Variants in HUNK observed in about 807,000 individuals in gnomAD.
The protein encoded by HUNK is hormonally up-regulated neu tumor-associated kinase.
A neutral mutation model predicts 61.0 loss-of-function variants in HUNK; 21 were observed. The ratio of observed to expected loss-of-function variants is 0.34; its 90% confidence interval spans 0.24 to 0.50. The LOEUF is 0.50. Among genes scored for constraint, HUNK ranks in the 20% least tolerant of loss-of-function variants. The pLI is 0.98. For synonymous variants in HUNK, 371 were observed against 386.1 expected, an observed-to-expected ratio of 0.96 and a Z score of 0.46; for missense variants, 772 against 945.7, an observed-to-expected ratio of 0.82 and a Z score of 2.41.
intron 2 of HUNK, among the ~76,000 whole-genome samples, chr21:31,932,093 G>A (rs948693871): frequency 2.6e-5 from 4 of 152,010 alleles, no homozygotes; most frequent in African/African-American, 9.7e-5. Flanking sequence ...TCCCCCACGT[G>A]CATGCACATA....
intron 4 of HUNK, among the ~76,000 whole-genome samples, chr21:31,957,127 A>T (rs1425295130): frequency 6.6e-6 from 1 of 152,108 alleles, no homozygotes; most frequent in Non-Finnish European, 1.5e-5. Flanking sequence ...AAGTGGTGCA[A>T]TTCAGCATTT....
At chr21:31,880,594 A>T (rs1432095637) in intron 1 of HUNK, among the ~76,000 whole-genome samples, 1 of 152,108 alleles carries the variant, frequency 6.6e-6, no homozygotes, top group Non-Finnish European at 1.5e-5. Flanking sequence ...ATGTCTCTTT[A>T]TAAGGACACC....
chr21:31,984,660 G>C (rs1937034756), intron 8 of HUNK, among the ~76,000 whole-genome samples: 1 of 152,216 alleles, frequency 6.6e-6, no homozygotes, highest in Non-Finnish European at 1.5e-5. Context: ...TCCAGATCCA[G>C]GGAGGGGGCC....
intron 2 of HUNK, among the ~76,000 whole-genome samples, chr21:31,939,699 T>C (rs1364291320): frequency 6.6e-6 from 1 of 150,656 alleles, no homozygotes; most frequent in Non-Finnish European, 1.5e-5. Context: ...TGAGCCACCG[T>C]GCCCGGCCTC....
chr21:31,927,199 C>G (rs899769873), intron 2 of HUNK, among the ~76,000 whole-genome samples: 7 of 152,050 alleles, frequency 4.6e-5, no homozygotes, highest in African/African-American at 1.7e-4. Flanking sequence ...TGCCATCATG[C>G]CTAACTATTT....
At chr21:31,892,161 AAATAT>A (rs1425105272) in intron 1 of HUNK, among the ~76,000 whole-genome samples, 43 of 100,584 alleles carry the variant, frequency 4.3e-4, no homozygotes, top group African/African-American at 1.4e-3. Context: ...AAAAAAAAAA[AAATAT>A]ATATATATAT....
At chr21:31,986,505 C>A (rs754330914) in intron 8 of HUNK, among the ~76,000 whole-genome samples, 13 of 152,060 alleles carry the variant, frequency 8.5e-5, no homozygotes, top group Non-Finnish European at 1.8e-4. Context: ...GAGCTTTTCA[C>A]CCTCGCACCG....
chr21:31,917,953 C>A (rs140327710), intron 1 of HUNK, among the ~76,000 whole-genome samples: 1 of 152,114 alleles, frequency 6.6e-6, no homozygotes, highest in Non-Finnish European at 1.5e-5. Context: ...AAAACTCCCC[C>A]GACTCAAGTA....
intron 8 of HUNK, among the ~76,000 whole-genome samples, chr21:31,987,278 A>C (rs2053140202): frequency 6.6e-6 from 1 of 152,218 alleles, no homozygotes; most frequent in Non-Finnish European, 1.5e-5. Flanking sequence ...GGTCACCTGC[A>C]CTGAGGGTGG....
intron 1 of HUNK, among the ~76,000 whole-genome samples, chr21:31,906,825 A>C (rs2052508930): frequency 6.6e-6 from 1 of 152,096 alleles, no homozygotes. Context: ...GACAGCCAGA[A>C]CTTCCCTGTC....
chr21:31,993,693 C>T (rs2053185738), intron 9 of HUNK, among the ~76,000 whole-genome samples: 1 of 152,150 alleles, frequency 6.6e-6, no homozygotes, highest in Non-Finnish European at 1.5e-5. Context: ...AGCTTGTTCT[C>T]CTTTGCCTTG....
At chr21:31,950,878 C>G (rs1015875144) in intron 4 of HUNK, among the ~76,000 whole-genome samples, 2 of 152,108 alleles carry the variant, frequency 1.3e-5, no homozygotes, top group East Asian at 3.9e-4. Flanking sequence ...AAAGCAAACT[C>G]CCCTCCCTGG....
At chr21:31,886,054 A>G (rs1435190940) in intron 1 of HUNK, among the ~76,000 whole-genome samples, 1 of 152,114 alleles carries the variant, frequency 6.6e-6, no homozygotes, top group Non-Finnish European at 1.5e-5. Flanking sequence ...CCCTTTTGAT[A>G]AGGACACCAG....
chr21:31,884,939 G>A (rs537954968), intron 1 of HUNK, among the ~76,000 whole-genome samples: 3 of 151,996 alleles, frequency 2.0e-5, no homozygotes, highest in South Asian at 2.1e-4. Flanking sequence ...CACCACACCC[G>A]GCTAATTTTT....
chr21:31,998,577 TG>T lies in HUNK; in HGVS notation c.1540del (p.Ala514LeufsTer19). 1 of 1,609,854 alleles carries T rather than the reference TG, an allele frequency of 6.2e-7. No individual in the cohort carries two copies. Among genetic ancestry groups the T allele is most frequent in the Non-Finnish European group, 8.5e-7 (1 of 1,178,584 alleles). On this transcript the variant is annotated frameshift_variant, in exon 11 of 11. Coordinates refer to ENST00000270112, the MANE Select transcript of HUNK (RefSeq NM_014586.2). LOFTEE classifies it high-confidence loss of function. ...CGCAAAACCTCAGATTCCAATTGTG[TG>T]GCTTCTTCTTCCATGGAGTTCATCC... ...IFRKTSDSNCVASSSMEFIPV... is the reference protein window; with the variant it reads ...IFRKTSDSNCXASSSMEFIPV...
Position 31,995,919 on chromosome 21 carries a change from A to T in HUNK, c.1457A>T (p.Lys486Met), listed in dbSNP as rs370008993. 2 of 1,613,688 alleles carry T rather than the reference A, an allele frequency of 1.2e-6. No homozygotes were observed. The highest frequency in any genetic ancestry group is 4.5e-5 in the East Asian group (2 of 44,886). ...QNTKALLKDR[K>M]ASKSSFPDKD... ...ACCAAAGCCCTCCTGAAGGACCGGA[A>T]GGCCTCCAAGTCCAGCTTCCCCGAC... The change falls in exon 10 of 11, where the codon AAG becomes ATG. Residue 486 changes from lysine to methionine, a missense_variant. Lys to Met is a moderately conservative substitution (Grantham distance 95). This residue lies in a region of HUNK where 413 missense variants were observed against 444.4 expected (regional missense o/e 0.93). Coordinates refer to ENST00000270112, the MANE Select transcript of HUNK (RefSeq NM_014586.2).
Position 31,873,944 on chromosome 21 carries a change from C to A in HUNK, c.261+9C>A, listed in dbSNP as rs2052236706. On this transcript the variant is annotated intron_variant, in intron 1 of 10. Transcript: ENST00000270112. The surrounding 1 kb of genome is among the most constrained non-coding windows in gnomAD (Gnocchi z 6.1). ...TGCTGACCGGGGAGAAGGTGAGTCTCCCGGGCGCCGTGGGGCTGGGGCACA... is the reference window on the plus strand; with the variant it reads ...TGCTGACCGGGGAGAAGGTGAGTCTACCGGGCGCCGTGGGGCTGGGGCACA... The A allele has an allele frequency of 2.0e-6, 3 of 1,501,616 alleles. No individual in the cohort carries two copies. In the East Asian group the frequency reaches 8.1e-5, roughly 40 times the overall value. 93.0% of individuals were successfully genotyped at this position (1,501,616 alleles called of 1,614,324 possible). A position where few individuals can be genotyped will look rare whatever the true frequency, so the allele number is the denominator to read the frequency against.
At chr21:31,926,149 C>A (rs538033680) in intron 2 of HUNK, among the ~76,000 whole-genome samples, 1 of 152,132 alleles carries the variant, frequency 6.6e-6, no homozygotes, top group African/African-American at 2.4e-5. Context: ...AACTCCTGAC[C>A]TCAGGTGATC....
chr21:31,929,631 C>A (rs896300428), intron 2 of HUNK, among the ~76,000 whole-genome samples: 1 of 152,194 alleles, frequency 6.6e-6, no homozygotes, highest in Non-Finnish European at 1.5e-5. Flanking sequence ...AGATAAAACA[C>A]AACTGGGTAA....
Sources: allele counts gnomAD v4.1 joint callset (sites outside exome capture counted in the v4.1 genomes callset), GRCh38; gene constraint gnomAD v4.1.1; regional missense constraint gnomAD v4.1.1; non-coding constraint Gnocchi (gnomAD v3.1); transcripts MANE v1.5; gene names NCBI Gene and HGNC (gene_info 2026-07-23, HGNC 2026-07-21).